The following NRXN3 variants were observed in gnomAD, a reference collection of about 807,000 sequenced individuals.
The protein encoded by NRXN3 is neurexin 3.
Under a neutral mutation model 137.6 loss-of-function variants are expected in NRXN3, and 32 were observed. The observed-to-expected ratio is 0.23, with a 90% CI of 0.18 to 0.31. NRXN3 has a LOEUF of 0.31. Ranked by LOEUF, NRXN3 falls within the 10% of genes least tolerant of loss-of-function variation. The pLI is 1.00. For missense variants in NRXN3, 1,574 were observed against 2,062.5 expected (o/e 0.76, Z 4.59); for synonymous variants, 798 against 784.5 (o/e 1.02, Z -0.29).
In NRXN3 at chr14:79,163,750, T is replaced by C. The variant is rs1268285940; in HGVS notation, c.3262+175609T>C. Reference sequence around the variant, plus strand: ...AGAAAACTATGATAAGGTTTTTAATTACAAAATTAGCCCTGCCAAATGAAT... The same window carrying C: ...AGAAAACTATGATAAGGTTTTTAATCACAAAATTAGCCCTGCCAAATGAAT... On this transcript the variant is annotated intron_variant, in intron 15 of 20. Coordinates refer to ENST00000335750, the MANE Select transcript of NRXN3 (RefSeq NM_001330195.2). Among the ~76,000 whole-genome samples the C allele has an allele frequency of 3.9e-5, 6 of 152,108 alleles. No homozygotes were observed. The South Asian group carries it at 6.2e-4, about 16-fold the overall frequency.
At chr14:79,146,482 A>G (rs563076499) in intron 15 of NRXN3, among the ~76,000 whole-genome samples, 3 of 152,142 alleles carry the variant, frequency 2.0e-5, no homozygotes, top group African/African-American at 7.2e-5. Context: ...TAAAGTTATA[A>G]TATCTGATAA....
intron 16 of NRXN3, among the ~76,000 whole-genome samples, chr14:79,582,184 C>T (rs2153811769): frequency 6.6e-6 from 1 of 152,256 alleles, no homozygotes; most frequent in Admixed American, 6.5e-5. Context: ...TTCAAGCAGT[C>T]CTCCCTTGTC....
intron 1 of NRXN3, among the ~76,000 whole-genome samples, chr14:78,227,194 G>A (rs897685850): frequency 4.0e-5 from 6 of 151,684 alleles, no homozygotes; most frequent in African/African-American, 1.5e-4. Flanking sequence ...CAGAAGCAGT[G>A]GTATAATACT....
chr14:78,816,028 AT>A (rs1470107012), intron 10 of NRXN3, among the ~76,000 whole-genome samples: 2 of 152,094 alleles, frequency 1.3e-5, no homozygotes, highest in Non-Finnish European at 2.9e-5. Context: ...CATAACGCAT[AT>A]TTTTGCTTCT....
At chr14:78,277,239 G>A (rs1432562229) in intron 2 of NRXN3, among the ~76,000 whole-genome samples, 2 of 152,096 alleles carry the variant, frequency 1.3e-5, no homozygotes, top group East Asian at 1.9e-4. Flanking sequence ...TTTCATTATC[G>A]GTTGGCATGA....
At chr14:79,836,447 A>G (rs1298011546) in intron 20 of NRXN3, among the ~76,000 whole-genome samples, 3 of 110,346 alleles carry the variant, frequency 2.7e-5, no homozygotes, top group African/African-American at 3.5e-5. Flanking sequence ...CTCATGAGAA[A>G]GTTCCATCCA....
intron 6 of NRXN3, among the ~76,000 whole-genome samples, chr14:78,673,289 G>T: frequency 6.6e-6 from 1 of 152,206 alleles, no homozygotes; most frequent in East Asian, 1.9e-4. Flanking sequence ...GTCTCACAAA[G>T]CCTGGTGCAG....
chr14:78,733,192 C>T (rs1338121509), intron 8 of NRXN3, among the ~76,000 whole-genome samples: 1 of 152,060 alleles, frequency 6.6e-6, no homozygotes, highest in African/African-American at 2.4e-5. Flanking sequence ...TCATGGAAAG[C>T]TTGGACCATG....
chr14:79,648,509 C>T (rs1272698755), intron 16 of NRXN3, among the ~76,000 whole-genome samples: 1 of 135,690 alleles, frequency 7.4e-6, no homozygotes, highest in African/African-American at 2.5e-5. Context: ...AGCACTCGAT[C>T]CAGCATAAAG....
intron 8 of NRXN3, among the ~76,000 whole-genome samples, chr14:78,758,011 C>T (rs1397663707): frequency 2.6e-5 from 4 of 152,164 alleles, no homozygotes; most frequent in Admixed American, 6.5e-5. Flanking sequence ...CAGGAAAGCA[C>T]CCCATTCTTG....
chr14:79,643,413 T>C (rs1385023929), intron 16 of NRXN3, among the ~76,000 whole-genome samples: 1 of 134,730 alleles, frequency 7.4e-6, no homozygotes, highest in East Asian at 2.0e-4. Context: ...TCATCTCTAT[T>C]TTATCTGTTA....
intron 15 of NRXN3, among the ~76,000 whole-genome samples, chr14:79,452,709 G>T (rs2096196453): frequency 6.6e-6 from 1 of 152,186 alleles, no homozygotes; most frequent in Non-Finnish European, 1.5e-5. Flanking sequence ...ATGAGACAGA[G>T]AAATTGAGAT....
intron 4 of NRXN3, among the ~76,000 whole-genome samples, chr14:78,595,914 C>T (rs928219342): frequency 3.3e-5 from 5 of 152,146 alleles, no homozygotes; most frequent in Admixed American, 6.5e-5. Context: ...AAACCAACAG[C>T]AATTTTAGAC....
intron 2 of NRXN3, among the ~76,000 whole-genome samples, chr14:78,274,609 T>C (rs1047872385): frequency 2.0e-5 from 3 of 152,204 alleles, no homozygotes; most frequent in Non-Finnish European, 4.4e-5. Context: ...ATTGTTTCCC[T>C]TGGACTTGAG....
chr14:78,920,784 A>G lies in NRXN3; in HGVS notation c.2276-36458A>G, dbSNP rs141678592. On this transcript the variant is annotated intron_variant, in intron 10 of 20. Coordinates refer to ENST00000335750, the MANE Select transcript of NRXN3 (RefSeq NM_001330195.2). ...CTTTATTTGCAATTATTGGTTTATT[A>G]TAAAGGATTCAACTTAGGAACAGCC... Among the ~76,000 whole-genome samples, 22 of 152,314 alleles carry G rather than the reference A, an allele frequency of 1.4e-4. No homozygotes were observed. The East Asian group carries it at 4.1e-3, about 28-fold the overall frequency.
rs77992998 is a variant in NRXN3, at chr14:78,210,207, G to T, written c.-703-32184G>T. 2.2e-3 allele frequency among the ~76,000 whole-genome samples: 334 copies of T among 152,238 alleles called. 2 individuals are homozygous for T. The highest frequency in any genetic ancestry group is 2.2e-3 in the Non-Finnish European group (153 of 68,010). On this transcript the variant is annotated intron_variant, in intron 1 of 20. Transcript: ENST00000335750. ...CGAGTGGGAAATCCAGGATCAAGTT[G>T]CCAGCAGATTCAGTGTCTGGTGAGG...
rs1345259680 is a variant in NRXN3, at chr14:79,861,264, G to A, written c.4094-78G>A. Reference sequence around the variant, plus strand: ...GATGGCTTGGTGATATCTGGGTATGGCTCAGGGGAAACCTTTGACTCTAAC... The same window carrying A: ...GATGGCTTGGTGATATCTGGGTATGACTCAGGGGAAACCTTTGACTCTAAC... On this transcript the variant is annotated intron_variant, in intron 20 of 20. Transcript: ENST00000335750. The surrounding 1 kb of genome is among the most constrained non-coding windows in gnomAD (Gnocchi z 5.4). The A allele has an allele frequency of 1.3e-6, 2 of 1,536,008 alleles. No homozygotes were observed. Among genetic ancestry groups the A allele is most frequent in the East Asian group, 2.4e-5 (1 of 40,906 alleles).
At chr14:78,399,161 G>A (rs1052164296) in intron 4 of NRXN3, among the ~76,000 whole-genome samples, 5 of 152,064 alleles carry the variant, frequency 3.3e-5, no homozygotes, top group Non-Finnish European at 7.4e-5. Context: ...ACTTATTGCT[G>A]TGTCATTCTT....
intron 15 of NRXN3, among the ~76,000 whole-genome samples, chr14:79,111,574 A>G (rs930846377): frequency 6.6e-6 from 1 of 152,066 alleles, no homozygotes; most frequent in African/African-American, 2.4e-5. Flanking sequence ...CCCCATCTCT[A>G]CTAAAAATAC....
Sources: gnomAD v4.1 joint callset for allele counts (sites outside exome capture counted in the v4.1 genomes callset) on GRCh38, gnomAD v4.1.1 for gene constraint, Gnocchi (gnomAD v3.1) non-coding constraint, MANE v1.5 for transcripts, NCBI Gene and HGNC (gene_info 2026-07-23, HGNC 2026-07-21) for gene names.